ANKRD24: variants seen among roughly 807,000 people sequenced by gnomAD.
ANKRD24 encodes the protein ankyrin repeat domain-containing protein 24.
In ANKRD24, 109 loss-of-function variants were observed where a neutral mutation model predicts 127.8. The ratio of observed to expected loss-of-function variants is 0.85; its 90% confidence interval spans 0.73 to 1.00. The LOEUF is 1.00. Ranked by LOEUF, ANKRD24 falls within the 50% of genes least tolerant of loss-of-function variation. The probability of loss-of-function intolerance (pLI) is 0.00; values close to 1 mark genes in which losing one functional copy is unlikely to be tolerated. For missense variants in ANKRD24, 1,648 were observed against 1,570.2 expected (o/e 1.05, Z -0.84); for synonymous variants, 743 against 671.1 (o/e 1.11, Z -1.66).
chr19:4,216,890 T>A lies in ANKRD24; in HGVS notation c.1730T>A (p.Met577Lys). 1.2e-6 allele frequency: 2 copies of A among 1,610,720 alleles called. No homozygotes were observed. The highest frequency in any genetic ancestry group is 1.7e-6 in the Non-Finnish European group (2 of 1,178,456). Reference protein sequence around the residue: ...AGDETMEARTMEAEATGAEAT... With the variant: ...AGDETMEARTKEAEATGAEAT... ...GATGAAACCATGGAAGCCAGGACTA[T>A]GGAAGCTGAGGCCACGGGAGCCGAG... Residue 577 changes from methionine to lysine, a missense_variant, in exon 18 of 22, where the codon ATG becomes AAG. Met to Lys is a moderately conservative substitution (Grantham distance 95). Coordinates refer to ENST00000318934, the MANE Select transcript of ANKRD24 (RefSeq NM_001393985.1).
chr19:4,210,104 A>G lies in ANKRD24; in HGVS notation c.917A>G (p.Lys306Arg). 6.2e-7 allele frequency: 1 copy of G among 1,612,106 alleles called. No individual in the cohort carries two copies. Among genetic ancestry groups the G allele is most frequent in the Non-Finnish European group, 8.5e-7 (1 of 1,179,270 alleles). Residue 306 changes from lysine (K) to arginine (R), a missense_variant, in exon 12 of 22, where the codon AAG (lysine) becomes AGG (arginine). Physicochemically the swap from Lys to Arg is conservative, Grantham distance 26. Transcript: ENST00000318934. ...HGKQGAPKKR[K>R]APPPPASIPM... ...AAGCAGGGGGCCCCCAAGAAGCGGA[A>G]GGCGCCTCCACCTCCCGCCAGCATT...
intron 2 of ANKRD24, among the ~76,000 whole-genome samples, chr19:4,192,673 G>A (rs1332519863): frequency 6.7e-6 from 1 of 150,082 alleles, no homozygotes; most frequent in Non-Finnish European, 1.5e-5. Context: ...GCTCACGCCT[G>A]TAATCCCAGC....
At chr19:4,204,805 G>T (rs1166683013) in intron 7 of ANKRD24, among the ~76,000 whole-genome samples, 1 of 152,176 alleles carries the variant, frequency 6.6e-6, no homozygotes, top group Non-Finnish European at 1.5e-5. Flanking sequence ...AATGCTTCTG[G>T]TCACAATATA....
At chr19:4,207,691 C>A in intron 9 of ANKRD24, 84 bp downstream of exon 9, 1 of 1,591,458 alleles carries the variant, frequency 6.3e-7, no homozygotes, top group Non-Finnish European at 8.6e-7. Flanking sequence ...ATCTAGCCAG[C>A]CTCCTCTTCC....
intron 18 of ANKRD24, among the ~76,000 whole-genome samples, chr19:4,218,366 C>T (rs901547701): frequency 1.3e-5 from 2 of 151,924 alleles, no homozygotes; most frequent in African/African-American, 4.8e-5. Flanking sequence ...GTGGTGTGAT[C>T]TCAGCTCACT....
chr19:4,215,177 C>CA (rs1021915547), intron 15 of ANKRD24, among the ~76,000 whole-genome samples: 8 of 152,092 alleles, frequency 5.3e-5, no homozygotes, highest in African/African-American at 1.9e-4. Context: ...ACTCAATACC[C>CA]AAAAAACAAC....
At chr19:4,223,383 ATATATATATATATATATATTT>A (rs1322128846) in intron 20 of ANKRD24, among the ~76,000 whole-genome samples, 3 of 76,446 alleles carry the variant, frequency 3.9e-5, no homozygotes, top group African/African-American at 2.1e-4. Context: ...ATATATATAT[ATATATATATATATATATATTT>A]TTTTTTTTTT....
chr19:4,206,216 C>T lies in ANKRD24; in HGVS notation c.467-1026C>T, dbSNP rs571937936. 1.9e-3 allele frequency among the ~76,000 whole-genome samples: 275 copies of T among 148,466 alleles called. 1 individual carries two copies. The highest frequency in any genetic ancestry group is 4.5e-3 in the South Asian group (21 of 4,624). On this transcript the variant is annotated intron_variant, in intron 7 of 21. Coordinates refer to ENST00000318934, the MANE Select transcript of ANKRD24 (RefSeq NM_001393985.1). ...AAATACATAAACACATAAACGGGGCCGGGCATGGTGGCTGCAGCCTATAAT... is the reference window on the plus strand; with the variant it reads ...AAATACATAAACACATAAACGGGGCTGGGCATGGTGGCTGCAGCCTATAAT...
chr19:4,194,438 C>A (rs777879089), intron 2 of ANKRD24, among the ~76,000 whole-genome samples: 2 of 152,186 alleles, frequency 1.3e-5, no homozygotes, highest in Non-Finnish European at 1.5e-5. Flanking sequence ...TAGGCGTGAA[C>A]CACCGCACCT....
At chr19:4,205,042 C>T (rs562232807) in intron 7 of ANKRD24, among the ~76,000 whole-genome samples, 1 of 152,182 alleles carries the variant, frequency 6.6e-6, no homozygotes, top group Non-Finnish European at 1.5e-5. Context: ...TCAAGACCAT[C>T]CTGGCCAACA....
intron 6 of ANKRD24, among the ~76,000 whole-genome samples, chr19:4,202,533 G>A (rs1473668851): frequency 3.3e-5 from 5 of 152,040 alleles, no homozygotes; most frequent in Non-Finnish European, 7.4e-5. Context: ...TCATGCCATT[G>A]CACTCCAGCC....
intron 2 of ANKRD24, among the ~76,000 whole-genome samples, chr19:4,191,145 C>A (rs1278533014): frequency 6.6e-6 from 1 of 152,174 alleles, no homozygotes; most frequent in Non-Finnish European, 1.5e-5. Flanking sequence ...GATGGGAGGC[C>A]TGGCTGTTGC....
chr19:4,189,300 C>T (rs1270434400), intron 2 of ANKRD24, among the ~76,000 whole-genome samples: 1 of 121,118 alleles, frequency 8.3e-6, no homozygotes, highest in African/African-American at 3.2e-5. Flanking sequence ...GGCTGGAGTG[C>T]AGTGTTGTGA....
chr19:4,218,305 T>G (rs1970246670), intron 18 of ANKRD24, 142 bp downstream of exon 18: 2 of 700,706 alleles, frequency 2.9e-6, no homozygotes, highest in East Asian at 7.0e-5. Context: ...ATTTATTTAT[T>G]TATTTATTTT....
intron 1 of ANKRD24, among the ~76,000 whole-genome samples, 163 bp downstream of exon 1, chr19:4,182,903 G>A (rs1250047562): frequency 6.6e-6 from 1 of 151,810 alleles, no homozygotes; most frequent in Non-Finnish European, 1.5e-5. Flanking sequence ...GGACAGAGCC[G>A]GACAGCAGGG....
In ANKRD24 at chr19:4,186,417, G is replaced by A. The variant is rs1192580583; in HGVS notation, c.-9G>A. The A allele has an allele frequency of 5.0e-6, 8 of 1,586,660 alleles. No individual in the cohort carries two copies. The East Asian group carries it at 1.4e-4, about 28-fold the overall frequency. The stretch of plus-strand genomic sequence containing the variant: ...GGCCTGTGGAGAGGAGAAACACAGG[G>A]CACCAACTATGAAGACTCTCAGGGC... On this transcript the variant is annotated 5_prime_UTR_variant, in exon 2 of 22. Transcript: ENST00000318934.
chr19:4,204,049 C>G (rs1422219078), intron 7 of ANKRD24, among the ~76,000 whole-genome samples: 1 of 149,520 alleles, frequency 6.7e-6, no homozygotes, highest in East Asian at 2.0e-4. Flanking sequence ...CTGCAAGCTC[C>G]GCCTCCCGGG....
At chr19:4,204,653 C>G (rs994722573) in intron 7 of ANKRD24, among the ~76,000 whole-genome samples, 1 of 152,166 alleles carries the variant, frequency 6.6e-6, no homozygotes, top group Non-Finnish European at 1.5e-5. Flanking sequence ...CCGCTGTCCC[C>G]GTGAAATTCA....
At chr19:4,215,046 C>G (rs1348268154) in intron 15 of ANKRD24, among the ~76,000 whole-genome samples, 1 of 152,196 alleles carries the variant, frequency 6.6e-6, no homozygotes, top group Non-Finnish European at 1.5e-5. Flanking sequence ...CAGCCTGCCC[C>G]GAGTCCCCTC....
Sources: gnomAD v4.1 joint callset for allele counts (sites outside exome capture counted in the v4.1 genomes callset) on GRCh38, gnomAD v4.1.1 for gene constraint, MANE v1.5 for transcripts, NCBI Gene and HGNC (gene_info 2026-07-23, HGNC 2026-07-21) for gene names.